Variants in NLGN4X observed in about 807,000 individuals in gnomAD.
NLGN4X encodes neuroligin 4 X-linked.
Under a neutral mutation model 40.3 loss-of-function variants are expected in NLGN4X, and 3 were observed. That is an observed-to-expected ratio of 0.07 (90% CI 0.03 to 0.19). The LOEUF (loss-of-function observed/expected upper bound fraction) is 0.19. Among genes scored for constraint, NLGN4X ranks in the 10% least tolerant of loss-of-function variants. The pLI, the probability that NLGN4X is intolerant of heterozygous loss-of-function variation, is 1.00. For synonymous variants in NLGN4X, 270 were observed against 306.8 expected (o/e 0.88, Z 1.25); for missense variants, 382 against 708.3 (o/e 0.54, Z 5.23).
chrX:6,122,814 G>C (rs6638599), intron 2 of NLGN4X, among the ~76,000 whole-genome samples: 1 of 104,479 alleles, frequency 9.6e-6, no homozygotes, highest in Admixed American at 1.1e-4. Flanking sequence ...ACGAGATACC[G>C]GGGAGAAGAA....
intron 3 of NLGN4X, among the ~76,000 whole-genome samples, chrX:6,013,650 G>C (rs1443885434): frequency 1.3e-4 from 14 of 110,197 alleles, no homozygotes; most frequent in African/African-American, 4.6e-4. Flanking sequence ...CTTGAGCCTA[G>C]GGGTTCACGA....
chrX:6,100,213 G>T (rs991059807), intron 2 of NLGN4X, among the ~76,000 whole-genome samples: 2 of 112,331 alleles, frequency 1.8e-5, no homozygotes, highest in African/African-American at 6.5e-5. Flanking sequence ...TTCCGCCCTG[G>T]GTGGGCCAGG....
chrX:5,962,482 G>A (rs1473828215), intron 3 of NLGN4X, among the ~76,000 whole-genome samples: 5 of 112,389 alleles, frequency 4.4e-5, no homozygotes, highest in Non-Finnish European at 9.4e-5. Flanking sequence ...CACTATGTAC[G>A]TTTGTTTTCT....
chrX:6,003,173 G>A (rs991213913), intron 3 of NLGN4X, among the ~76,000 whole-genome samples: 26 of 111,500 alleles, frequency 2.3e-4, no homozygotes, highest in African/African-American at 8.1e-4. Context: ...AACGTCCAAC[G>A]ACTGGGCCCG....
chrX:6,075,847 T>C (rs763831125), intron 2 of NLGN4X, among the ~76,000 whole-genome samples: 11 of 111,658 alleles, frequency 9.9e-5, no homozygotes, highest in African/African-American at 2.0e-4. Flanking sequence ...TGCAGAATCA[T>C]AGCCAAATAA....
Position 6,214,357 on chromosome X carries a change from A to G in NLGN4X, c.-306+14184T>C, listed in dbSNP as rs144500457. On this transcript the variant is annotated intron_variant, in intron 1 of 5. Transcript: ENST00000381095. ...TGACAGGGCATATGTGAACCCTTCA[A>G]TTTTACAAGACCCTCCAAGAGACTA... 9.0e-5 allele frequency among the ~76,000 whole-genome samples: 10 copies of G among 111,207 alleles called. No homozygotes were observed. The East Asian group carries it at 2.8e-3, about 32-fold the overall frequency.
At chrX:6,174,640 G>A (rs2040682335) in intron 1 of NLGN4X, among the ~76,000 whole-genome samples, 1 of 112,093 alleles carries the variant, frequency 8.9e-6, no homozygotes. Context: ...CAGGTCCCTT[G>A]CAGAAACATG....
intron 3 of NLGN4X, among the ~76,000 whole-genome samples, chrX:5,944,629 A>G (rs1264586771): frequency 1.9e-5 from 2 of 103,563 alleles, no homozygotes; most frequent in Non-Finnish European, 4.0e-5. Flanking sequence ...ACCTGGGCAA[A>G]AGAACCAGAA....
chrX:6,121,330 G>A (rs927826232), intron 2 of NLGN4X, among the ~76,000 whole-genome samples: 5 of 111,122 alleles, frequency 4.5e-5, no homozygotes, highest in Admixed American at 9.6e-5. Flanking sequence ...AAAAAAAAGC[G>A]TTCTAGGTTC....
chrX:6,086,817 A>G (rs1000639519), intron 2 of NLGN4X, among the ~76,000 whole-genome samples: 2 of 110,576 alleles, frequency 1.8e-5, no homozygotes, highest in African/African-American at 6.6e-5. Flanking sequence ...AACTTTTTGT[A>G]GAGAAGGGAT....
intron 1 of NLGN4X, among the ~76,000 whole-genome samples, chrX:6,177,387 GACCTC>G (rs746997986): frequency 1.8e-5 from 2 of 111,734 alleles, no homozygotes; most frequent in South Asian, 7.7e-4. Context: ...TCGAACTCCT[GACCTC>G]AAGTGATCCA....
At chrX:6,014,258 CATA>C (rs2036332742) in intron 3 of NLGN4X, among the ~76,000 whole-genome samples, 1 of 110,354 alleles carries the variant, frequency 9.1e-6, no homozygotes, top group Non-Finnish European at 1.9e-5. Flanking sequence ...TCTAGGTAAT[CATA>C]ATGTTTTTTG....
rs150495370 is a variant in NLGN4X, at chrX:6,151,672, C to G, written c.-206G>C. ...GCCCATTGCAAGGAGGCAGCCCTCC[C>G]TTAATCCTGAAACTGGATTCCAGCA... On this transcript the variant is annotated 5_prime_UTR_variant, in exon 2 of 6. Transcript: ENST00000381095. 7.3e-3 allele frequency: 3,180 copies of G among 437,872 alleles called. 8 individuals carry two copies. Among genetic ancestry groups the G allele is most frequent in the Non-Finnish European group, 0.01 (2,599 of 251,818 alleles). The allele number at this position is 437,872 out of a possible 1,213,427, so 36.1% of individuals were successfully genotyped here. A position where few individuals can be genotyped will look rare whatever the true frequency, so the allele number is the denominator to read the frequency against.
intron 1 of NLGN4X, among the ~76,000 whole-genome samples, chrX:6,210,239 CGTTTGT>C (rs1335492701): frequency 3.5e-5 from 3 of 85,359 alleles, no homozygotes; most frequent in African/African-American, 1.5e-4. Flanking sequence ...CGTGTGCGCC[CGTTTGT>C]GTGTGTGTGT....
chrX:5,942,331 G>A (rs912382588), intron 3 of NLGN4X, among the ~76,000 whole-genome samples: 3 of 111,214 alleles, frequency 2.7e-5, no homozygotes, highest in Non-Finnish European at 5.7e-5. Flanking sequence ...ACATCAGGGA[G>A]GAGTGGTTCA....
At chrX:5,939,516 A>G (rs1254255080) in intron 3 of NLGN4X, among the ~76,000 whole-genome samples, 1 of 111,601 alleles carries the variant, frequency 9.0e-6, no homozygotes, top group East Asian at 2.8e-4. Flanking sequence ...TTACTATATT[A>G]TAAAGTGTCC....
intron 3 of NLGN4X, among the ~76,000 whole-genome samples, chrX:5,974,937 G>A (rs1442590817): frequency 8.9e-6 from 1 of 111,796 alleles, no homozygotes; most frequent in Non-Finnish European, 1.9e-5. Context: ...AAACACTGCA[G>A]TACCATGACA....
At chrX:6,038,915 A>C (rs2037088573) in intron 2 of NLGN4X, among the ~76,000 whole-genome samples, 2 of 111,059 alleles carry the variant, frequency 1.8e-5, no homozygotes, top group Admixed American at 1.9e-4. Context: ...TAGTTTCTTT[A>C]AAATCATCAG....
intron 2 of NLGN4X, among the ~76,000 whole-genome samples, chrX:6,044,106 A>AAAATAAATAAAT (rs36167131): frequency 0.044 from 4,205 of 96,403 alleles, 142 homozygotes; most frequent in African/African-American, 0.1. Context: ...GTTTCTATTA[A>AAAATAAATAAAT]AAATAAATAA....
Sources: allele counts gnomAD v4.1 joint callset (sites outside exome capture counted in the v4.1 genomes callset), GRCh38; gene constraint gnomAD v4.1.1; transcripts MANE v1.5; gene names NCBI Gene and HGNC (gene_info 2026-07-23, HGNC 2026-07-21).